Variants in NFIB observed in about 807,000 individuals in gnomAD.
The protein encoded by NFIB is nuclear factor 1 B-type.
In NFIB, 11 loss-of-function variants were observed where a neutral mutation model predicts 61.5. That is an observed-to-expected ratio of 0.18 (90% CI 0.11 to 0.30). NFIB has a LOEUF of 0.30. NFIB is among the 10% of genes least tolerant of loss of function. The probability of loss-of-function intolerance (pLI) is 1.00; values close to 1 mark genes in which losing one functional copy is unlikely to be tolerated. For synonymous variants in NFIB, 260 were observed against 216.5 expected (o/e 1.20, Z -1.76); for missense variants, 471 against 608.9 (o/e 0.77, Z 2.38).
intron 2 of NFIB, among the ~76,000 whole-genome samples, chr9:14,195,024 C>T (rs1287402526): frequency 6.6e-6 from 1 of 152,052 alleles, no homozygotes; most frequent in Admixed American, 6.5e-5. Flanking sequence ...CTATACCTGA[C>T]CCTGGAAGGA....
intron 1 of NFIB, among the ~76,000 whole-genome samples, chr9:14,395,978 G>A (rs1000117478): frequency 1.3e-5 from 2 of 151,974 alleles, no homozygotes; most frequent in African/African-American, 4.8e-5. Flanking sequence ...GGAAGCCAGT[G>A]ATTGTCCTTG....
chr9:14,506,065 G>C, the NFIB span, among the ~76,000 whole-genome samples: 1 of 152,122 alleles, frequency 6.6e-6, no homozygotes, highest in Non-Finnish European at 1.5e-5. Context: ...AAACATGCTA[G>C]ACAAAATAAA....
chr9:14,312,654 G>C (rs138825321), intron 1 of NFIB, among the ~76,000 whole-genome samples: 131 of 152,266 alleles, frequency 8.6e-4, no homozygotes, highest in African/African-American at 3.1e-3. Context: ...TATAAAACCA[G>C]TGTTTTATTT....
chr9:14,521,443 G>A, the NFIB span, among the ~76,000 whole-genome samples: 5 of 152,092 alleles, frequency 3.3e-5, no homozygotes, highest in African/African-American at 7.2e-5. Flanking sequence ...ATTATCAGCC[G>A]AGTAAGCTTG....
At chr9:14,474,002 G>A in the NFIB span, among the ~76,000 whole-genome samples, 586 of 152,256 alleles carry the variant, frequency 3.8e-3, 8 homozygotes, top group African/African-American at 0.014. Flanking sequence ...GTGTGAGGAC[G>A]GAGATGAACT....
the NFIB span, among the ~76,000 whole-genome samples, chr9:14,499,258 T>C: frequency 0.12 from 17,943 of 152,120 alleles, 1,498 homozygotes; most frequent in African/African-American, 0.23. Context: ...GAAATTCTGA[T>C]GTCTGGCTGA....
the NFIB span, among the ~76,000 whole-genome samples, chr9:14,474,724 A>C: frequency 2.0e-5 from 3 of 152,228 alleles, no homozygotes; most frequent in Non-Finnish European, 4.4e-5. Context: ...CATAGGATAG[A>C]CATTCCCATT....
At chr9:14,117,254 T>A (rs998500259) in intron 8 of NFIB, among the ~76,000 whole-genome samples, 1 of 152,202 alleles carries the variant, frequency 6.6e-6, no homozygotes, top group Admixed American at 6.5e-5. Flanking sequence ...TGGGCAATGA[T>A]AGAAAAGATG....
chr9:14,287,363 G>GGA (rs373878377), intron 2 of NFIB, among the ~76,000 whole-genome samples: 129,673 of 150,492 alleles, frequency 0.86, 56,320 homozygotes, highest in Non-Finnish European at 0.92. Flanking sequence ...CCCGGGAGGC[G>GGA]GCTTGCAGTG....
chr9:14,392,718 CAA>C (rs59484635), intron 1 of NFIB, among the ~76,000 whole-genome samples: 2 of 122,786 alleles, frequency 1.6e-5, no homozygotes. Flanking sequence ...GACCTTGTCT[CAA>C]AAAAAAAAAG....
chr9:14,455,446 G>A, the NFIB span, among the ~76,000 whole-genome samples: 1 of 152,176 alleles, frequency 6.6e-6, no homozygotes, highest in African/African-American at 2.4e-5. Flanking sequence ...GATGTGAACT[G>A]GATGAACAAG....
At chr9:14,211,916 T>G (rs2050349368) in intron 2 of NFIB, among the ~76,000 whole-genome samples, 1 of 152,244 alleles carries the variant, frequency 6.6e-6, no homozygotes, top group South Asian at 2.1e-4. Flanking sequence ...TTAAAGCGTT[T>G]AAAGAATGAT....
chr9:14,506,929 C>CA, the NFIB span, among the ~76,000 whole-genome samples: 1 of 152,100 alleles, frequency 6.6e-6, no homozygotes, highest in Non-Finnish European at 1.5e-5. Flanking sequence ...TAACACAAAT[C>CA]AACTGTTAGG....
upstream of NFIB, among the ~76,000 whole-genome samples, chr9:14,403,696 G>A (rs1057257725): frequency 1.3e-5 from 2 of 152,136 alleles, no homozygotes; most frequent in African/African-American, 4.8e-5. Flanking sequence ...TGTTAGAGAG[G>A]AAAGGATTAA....
the NFIB span, among the ~76,000 whole-genome samples, chr9:14,413,532 C>T: frequency 6.6e-6 from 1 of 152,076 alleles, no homozygotes; most frequent in African/African-American, 2.4e-5. Context: ...GGTTTTTTAT[C>T]TGTAAAGTGA....
intron 2 of NFIB, among the ~76,000 whole-genome samples, chr9:14,252,906 T>C (rs1006390861): frequency 3.3e-5 from 4 of 121,904 alleles, no homozygotes; most frequent in Non-Finnish European, 6.3e-5. Context: ...AAGGAAATTG[T>C]ACAGTAAGAA....
At chr9:14,219,623 T>C (rs974205295) in intron 2 of NFIB, among the ~76,000 whole-genome samples, 1 of 152,168 alleles carries the variant, frequency 6.6e-6, no homozygotes, top group African/African-American at 2.4e-5. Flanking sequence ...GGAGTTACTT[T>C]TGCTGGCATT....
chr9:14,224,169 A>G (rs1291406659), intron 2 of NFIB, among the ~76,000 whole-genome samples: 2 of 152,236 alleles, frequency 1.3e-5, no homozygotes, highest in African/African-American at 4.8e-5. Context: ...AGAAGGCCAT[A>G]TTCAATACAC....
At chr9:14,495,853 A>C in the NFIB span, among the ~76,000 whole-genome samples, 1 of 152,196 alleles carries the variant, frequency 6.6e-6, no homozygotes, top group African/African-American at 2.4e-5. Context: ...TCTTAAATCT[A>C]TTCTGCTCTA....
Sources: gnomAD v4.1 joint callset for allele counts (sites outside exome capture counted in the v4.1 genomes callset) on GRCh38, gnomAD v4.1.1 for gene constraint, MANE v1.5 for transcripts, NCBI Gene and HGNC (gene_info 2026-07-23, HGNC 2026-07-21) for gene names.